Variants in HBS1L observed in about 807,000 individuals in gnomAD.
HBS1L encodes HBS1 like translational GTPase, also known as HBS1-like protein.
Under a neutral mutation model 88.9 loss-of-function variants are expected in HBS1L, and 55 were observed. That is an observed-to-expected ratio of 0.62 (90% CI 0.50 to 0.77). The LOEUF (loss-of-function observed/expected upper bound fraction) is 0.77. Among genes scored for constraint, HBS1L ranks in the 30% least tolerant of loss-of-function variants. HBS1L has a pLI of 0.00. For synonymous variants in HBS1L, 267 were observed against 288.5 expected (o/e 0.93, Z 0.76); for missense variants, 741 against 829.3 (o/e 0.89, Z 1.31).
At chr6:134,987,815 C>T (rs1396210385) in intron 8 of HBS1L, 24 bp from the exon 9 acceptor site, 1 of 1,547,610 alleles carries the variant, frequency 6.5e-7, no homozygotes, top group Non-Finnish European at 8.7e-7. Flanking sequence ...ATAATCGAAG[C>T]CAGAAATAAT....
chr6:135,026,997 G>C (rs185824382), intron 4 of HBS1L: 5 of 151,514 alleles, frequency 3.3e-5, no homozygotes, highest in African/African-American at 1.2e-4. Flanking sequence ...TTCGAGACCA[G>C]CATAGGTAAA....
chr6:134,965,532 G>A (rs1472524331), intron 17 of HBS1L, among the ~76,000 whole-genome samples: 1 of 152,174 alleles, frequency 6.6e-6, no homozygotes, highest in African/African-American at 2.4e-5. Context: ...TGCCTTGATA[G>A]ATTAAATGTG....
In HBS1L at chr6:135,054,761, G is replaced by A. The variant is rs1777197600; in HGVS notation, c.-70C>T. Reference sequence around the variant, plus strand: ...AACACTCCGCTTAGATACTGATAAGGCGCCAACTGCAGCCTGGAGAACCCC... The same window carrying A: ...AACACTCCGCTTAGATACTGATAAGACGCCAACTGCAGCCTGGAGAACCCC... On this transcript the variant is annotated 5_prime_UTR_variant, in exon 1 of 18. Transcript: ENST00000367837. The A allele has an allele frequency of 2.5e-6, 4 of 1,576,816 alleles. No individual in the cohort carries two copies. Among genetic ancestry groups the A allele is most frequent in the Admixed American group, 3.4e-5 (2 of 58,776 alleles).
chr6:135,036,572 A>G (rs1776555258), intron 4 of HBS1L: 2 of 1,492,704 alleles, frequency 1.3e-6, no homozygotes, highest in Admixed American at 5.3e-5. Flanking sequence ...TCTCTAGTAA[A>G]TGCTTTTTTT....
intron 2 of HBS1L, among the ~76,000 whole-genome samples, chr6:135,047,983 T>C (rs1776963861): frequency 6.6e-6 from 1 of 152,220 alleles, no homozygotes; most frequent in Admixed American, 6.5e-5. Context: ...TTTGAACCCC[T>C]GAATAAGGAG....
chr6:135,003,668 C>G (rs1274975531), intron 4 of HBS1L, among the ~76,000 whole-genome samples: 1 of 151,548 alleles, frequency 6.6e-6, no homozygotes, highest in Non-Finnish European at 1.5e-5. Context: ...GAGTTCGAGA[C>G]CAGCCTGACC....
chr6:134,967,528 T>A (rs553670953), intron 16 of HBS1L, among the ~76,000 whole-genome samples: 1 of 152,154 alleles, frequency 6.6e-6, no homozygotes, highest in African/African-American at 2.4e-5. Context: ...CAAACGGTTG[T>A]GCAAAATAAA....
In HBS1L at chr6:134,971,257, G is replaced by A. The variant is rs139341492; in HGVS notation, c.1798-1919C>T. On this transcript the variant is annotated intron_variant, in intron 15 of 17. Transcript: ENST00000367837. ...GATGAAAAACTTGCCACAATGAATG[G>A]TAAAGTGGTGAGAAACACCTGTGTG... is the stretch of plus-strand genomic sequence containing the variant. Among the ~76,000 whole-genome samples, 398 of 152,288 alleles carry A rather than the reference G, an allele frequency of 2.6e-3. 2 individuals carry two copies. Among genetic ancestry groups the A allele is most frequent in the African/African-American group, 9.4e-3 (390 of 41,546 alleles).
chr6:134,961,246 C>T lies in HBS1L; in HGVS notation c.*4033G>A, dbSNP rs1319490821. On this transcript the variant is annotated 3_prime_UTR_variant, in exon 18 of 18. Transcript: ENST00000367837. ...TATAAGTAACTTAATGCTTTTCTTT[C>T]CCTATTTCATATCCCCATATTTGGT... The T allele has an allele frequency of 1.3e-5, 2 of 152,004 alleles. No individual in the cohort carries two copies. Among genetic ancestry groups the T allele is most frequent in the African/African-American group, 2.4e-5 (1 of 41,386 alleles). The allele number at this position is 152,004 out of a possible 1,614,324, so 9.4% of individuals were successfully genotyped here.
At position 134,966,479 on chromosome 6, in the gene HBS1L, A is replaced by G. The variant is rs1181162725; in HGVS notation, c.1899-6T>C. Reference sequence around the variant, plus strand: ...TCTGGCCTTTAGTCAAAAACCTATTAAGAAAAAAAAAGAACAAATGAATAT... The same window carrying G: ...TCTGGCCTTTAGTCAAAAACCTATTGAGAAAAAAAAAGAACAAATGAATAT... On this transcript the variant is annotated splice_polypyrimidine_tract_variant and splice_region_variant and intron_variant, in intron 16 of 17. Coordinates refer to ENST00000367837, the MANE Select transcript of HBS1L (RefSeq NM_006620.4). The G allele has an allele frequency of 6.4e-7, 1 of 1,560,282 alleles. No individual in the cohort carries two copies. Among genetic ancestry groups the G allele is most frequent in the Non-Finnish European group, 8.7e-7 (1 of 1,153,158 alleles).
chr6:135,010,507 A>G (rs1209539462), intron 4 of HBS1L, among the ~76,000 whole-genome samples: 1 of 152,182 alleles, frequency 6.6e-6, no homozygotes, highest in African/African-American at 2.4e-5. Flanking sequence ...TTCTGTACCT[A>G]TTAACCTCTT....
chr6:135,038,683 C>G (rs1361377197), intron 4 of HBS1L, among the ~76,000 whole-genome samples: 1 of 152,132 alleles, frequency 6.6e-6, no homozygotes, highest in Non-Finnish European at 1.5e-5. Context: ...AGATAGCATG[C>G]CAATTAATAT....
chr6:135,048,339 C>A lies in HBS1L; in HGVS notation c.109+2243G>T, dbSNP rs115287800. Among the ~76,000 whole-genome samples, 482 of 152,310 alleles carry A rather than the reference C, an allele frequency of 3.2e-3. 2 individuals carry two copies. The highest frequency in any genetic ancestry group is 0.011 in the African/African-American group (467 of 41,564). ...TTGCCTCTTCACTCCCCAGACAACA[C>A]GACCAGCCAGTAGGTTGGAATCCCC... On this transcript the variant is annotated intron_variant, in intron 2 of 17. Transcript: ENST00000367837.
At chr6:135,029,247 A>T (rs1776320309) in intron 4 of HBS1L, among the ~76,000 whole-genome samples, 1 of 152,116 alleles carries the variant, frequency 6.6e-6, no homozygotes, top group South Asian at 2.1e-4. Context: ...ACAAATTCAA[A>T]ATCTATCTTC....
At chr6:134,967,771 C>T (rs541390236) in intron 16 of HBS1L, among the ~76,000 whole-genome samples, 9 of 152,294 alleles carry the variant, frequency 5.9e-5, no homozygotes, top group African/African-American at 1.2e-4. Flanking sequence ...AGAATCCTGC[C>T]TCTACCACTT....
chr6:135,004,523 G>C (rs1775555894), intron 4 of HBS1L, among the ~76,000 whole-genome samples: 1 of 152,086 alleles, frequency 6.6e-6, no homozygotes, highest in Non-Finnish European at 1.5e-5. Context: ...GAGCAGAGGG[G>C]AGCTACATGA....
At chr6:135,000,798 C>A (rs1212849150) in intron 5 of HBS1L, among the ~76,000 whole-genome samples, 2 of 152,044 alleles carry the variant, frequency 1.3e-5, no homozygotes, top group Non-Finnish European at 2.9e-5. Context: ...GCCACTGCAC[C>A]CAGCCGTATC....
intron 4 of HBS1L, among the ~76,000 whole-genome samples, chr6:135,024,745 T>G (rs1483167720): frequency 6.6e-6 from 1 of 152,028 alleles, no homozygotes; most frequent in Non-Finnish European, 1.5e-5. Context: ...GTTGTCTAAA[T>G]TAAGATATGT....
chr6:135,029,489 A>G (rs1325109715), intron 4 of HBS1L, among the ~76,000 whole-genome samples: 1 of 152,102 alleles, frequency 6.6e-6, no homozygotes, highest in Non-Finnish European at 1.5e-5. Flanking sequence ...AGCTTTATAT[A>G]TAAGAAATAT....
Sources: allele counts gnomAD v4.1 joint callset (sites outside exome capture counted in the v4.1 genomes callset), GRCh38; gene constraint gnomAD v4.1.1; transcripts MANE v1.5; gene names NCBI Gene and HGNC (gene_info 2026-07-23, HGNC 2026-07-21).